The following SKAP2 variants were observed in gnomAD, a reference collection of about 807,000 sequenced individuals.
The protein encoded by SKAP2 is src kinase-associated phosphoprotein 2.
SKAP2 carries 28 observed loss-of-function variants against 54.9 expected under a neutral mutation model. The ratio of observed to expected loss-of-function variants is 0.51; its 90% CI spans 0.38 to 0.70. The LOEUF (loss-of-function observed/expected upper bound fraction) is 0.70, where lower values mean the gene tolerates loss of function less well. SKAP2 is among the 30% of genes least tolerant of loss of function. SKAP2 has a pLI of 0.00. For missense variants in SKAP2, 356 were observed against 424.1 expected, an observed-to-expected ratio of 0.84 and a Z score of 1.41; for synonymous variants, 137 against 134.3, an observed-to-expected ratio of 1.02 and a Z score of -0.14.
At chr7:26,728,305 G>A (rs1317618424) in intron 6 of SKAP2, among the ~76,000 whole-genome samples, 1 of 152,080 alleles carries the variant, frequency 6.6e-6, no homozygotes, top group Non-Finnish European at 1.5e-5. Flanking sequence ...ACGTTTTGCC[G>A]AATTAAACAA....
intron 3 of SKAP2, among the ~76,000 whole-genome samples, chr7:26,853,228 C>G (rs555387166): frequency 1.3e-5 from 2 of 152,088 alleles, no homozygotes; most frequent in East Asian, 3.9e-4. Context: ...CCAGTTGGCA[C>G]AAATATGATT....
rs1251846483 is a variant in SKAP2 at position 26,781,751 on chromosome 7, C to T, written c.308-41787G>A. 2.6e-5 allele frequency among the ~76,000 whole-genome samples: 4 copies of T among 152,130 alleles called. No homozygotes were observed. The East Asian group carries it at 7.7e-4, about 29-fold the overall frequency. ...TACGATCTGACCTCCTAAGGATTGCCATCACTTCTGTCTTGGTTAGCACCT... is the reference window on the plus strand; with the variant it reads ...TACGATCTGACCTCCTAAGGATTGCTATCACTTCTGTCTTGGTTAGCACCT... On this transcript the variant is annotated intron_variant, in intron 4 of 12. Coordinates refer to ENST00000345317, the MANE Select transcript of SKAP2 (RefSeq NM_003930.5).
chr7:26,691,231 G>T (rs186124675), intron 9 of SKAP2, among the ~76,000 whole-genome samples: 2 of 152,144 alleles, frequency 1.3e-5, no homozygotes, highest in Admixed American at 1.3e-4. Flanking sequence ...CCCAAATTAT[G>T]CAAAGAAATA....
chr7:26,845,821 C>G (rs1784909082), intron 3 of SKAP2, among the ~76,000 whole-genome samples: 2 of 152,046 alleles, frequency 1.3e-5, no homozygotes, highest in South Asian at 4.1e-4. Flanking sequence ...ATAGTCACAT[C>G]TGTGGGAGGC....
At chr7:26,794,374 C>T (rs2127982439) in intron 4 of SKAP2, among the ~76,000 whole-genome samples, 1 of 152,282 alleles carries the variant, frequency 6.6e-6, no homozygotes, top group African/African-American at 2.4e-5. Context: ...AATGTGTGTT[C>T]CAAGCTAGGG....
intron 11 of SKAP2, among the ~76,000 whole-genome samples, chr7:26,673,130 A>G (rs1032558088): frequency 1.3e-5 from 2 of 152,078 alleles, no homozygotes; most frequent in African/African-American, 4.8e-5. Context: ...CTTAGCAAAC[A>G]AAAAATAGAC....
chr7:26,745,898 A>C (rs1440197515), intron 4 of SKAP2, among the ~76,000 whole-genome samples: 1 of 152,158 alleles, frequency 6.6e-6, no homozygotes, highest in Non-Finnish European at 1.5e-5. Flanking sequence ...TGATTCTCCA[A>C]AAATATTATC....
At chr7:26,861,573 T>C (rs530776779) in intron 1 of SKAP2, among the ~76,000 whole-genome samples, 2 of 150,788 alleles carry the variant, frequency 1.3e-5, no homozygotes, top group Non-Finnish European at 3.0e-5. Flanking sequence ...ACTTTTTCAA[T>C]GGTATCTTTA....
At chr7:26,854,748 A>G (rs1221217069) in intron 2 of SKAP2, 37 bp downstream of exon 2, 1 of 1,539,774 alleles carries the variant, frequency 6.5e-7, no homozygotes, top group Non-Finnish European at 8.8e-7. Context: ...AACTGCTTCT[A>G]TGTAAGAAAT....
chr7:26,855,244 A>C lies in SKAP2; in HGVS notation c.68-354T>G, dbSNP rs372440325. The C allele has an allele frequency of 1.6e-4, 25 of 161,224 alleles. No individual in the cohort carries two copies. In the East Asian group the frequency reaches 3.9e-3, roughly 25 times the overall value. 10.0% of individuals were successfully genotyped at this position (161,224 alleles called of 1,614,324 possible). ...GGAAGCAAGCACCAAGCTTTTAAGC[A>C]TGTGTTAATATCATTTTCTAGTATT... On this transcript the variant is annotated intron_variant, in intron 1 of 12. Coordinates refer to ENST00000345317, the MANE Select transcript of SKAP2 (RefSeq NM_003930.5).
At chr7:26,834,989 T>C (rs998394104) in intron 4 of SKAP2, among the ~76,000 whole-genome samples, 9 of 152,198 alleles carry the variant, frequency 5.9e-5, no homozygotes, top group African/African-American at 2.2e-4. Flanking sequence ...TCAAAAAGCT[T>C]ATCCACCACA....
chr7:26,698,013 T>C (rs1308683451), intron 9 of SKAP2, among the ~76,000 whole-genome samples: 1 of 152,210 alleles, frequency 6.6e-6, no homozygotes, highest in Non-Finnish European at 1.5e-5. Context: ...TAAAAAATAC[T>C]ATCTAGTGAC....
At chr7:26,808,540 G>A (rs607099) in intron 4 of SKAP2, among the ~76,000 whole-genome samples, 77,314 of 150,082 alleles carry the variant, frequency 0.52, 20,326 homozygotes, top group East Asian at 0.86. Flanking sequence ...TTATGAAAAC[G>A]GTGATTGGTG....
chr7:26,789,909 G>A (rs1783639977), intron 4 of SKAP2, among the ~76,000 whole-genome samples: 1 of 152,134 alleles, frequency 6.6e-6, no homozygotes, highest in Non-Finnish European at 1.5e-5. Context: ...TCATGTGCTG[G>A]GCAGAAACAT....
chr7:26,721,889 T>G (rs1391272530), intron 9 of SKAP2, among the ~76,000 whole-genome samples: 2 of 152,158 alleles, frequency 1.3e-5, no homozygotes, highest in African/African-American at 4.8e-5. Context: ...AGATTCAAAA[T>G]GAGACAAAGA....
intron 4 of SKAP2, among the ~76,000 whole-genome samples, chr7:26,816,343 GA>G (rs1417402233): frequency 6.6e-6 from 1 of 152,020 alleles, no homozygotes; most frequent in Non-Finnish European, 1.5e-5. Flanking sequence ...CTTATGCTGA[GA>G]AAAAATTTTT....
chr7:26,799,901 G>A (rs193000913), intron 4 of SKAP2, among the ~76,000 whole-genome samples: 31 of 151,954 alleles, frequency 2.0e-4, no homozygotes, highest in Admixed American at 1.6e-3. Context: ...GGTGGATCAC[G>A]AGGTCAGGAG....
chr7:26,675,438 GCATT>G (rs1786330174), intron 11 of SKAP2, among the ~76,000 whole-genome samples: 1 of 152,136 alleles, frequency 6.6e-6, no homozygotes, highest in Non-Finnish European at 1.5e-5. Context: ...TTCAAGCTAA[GCATT>G]TATTCCTCAG....
intron 9 of SKAP2, among the ~76,000 whole-genome samples, chr7:26,719,271 C>T (rs1787527587): frequency 6.6e-6 from 1 of 152,114 alleles, no homozygotes; most frequent in South Asian, 2.1e-4. Context: ...TTGTGAAGTA[C>T]ATTAAAGTGA....
Sources: gnomAD v4.1 joint callset for allele counts (sites outside exome capture counted in the v4.1 genomes callset) on GRCh38, gnomAD v4.1.1 for gene constraint, MANE v1.5 for transcripts, NCBI Gene and HGNC (gene_info 2026-07-23, HGNC 2026-07-21) for gene names.